Variants in CHAF1A observed in about 807,000 individuals in gnomAD.
CHAF1A encodes CAF-1 subunit A.
In CHAF1A, 5 loss-of-function variants were observed where a neutral mutation model predicts 93.2. The ratio of observed to expected loss-of-function variants is 0.05; its 90% CI spans 0.03 to 0.11. CHAF1A has a LOEUF of 0.11. Ranked by LOEUF, CHAF1A falls within the 10% of genes least tolerant of loss-of-function variation. The pLI, the probability that CHAF1A is intolerant of heterozygous loss-of-function variation, is 1.00. For synonymous variants in CHAF1A, 504 were observed against 510.3 expected (o/e 0.99, Z 0.17); for missense variants, 1,102 against 1,259.9 (o/e 0.87, Z 1.90).
At chr19:4,445,348 T>A, downstream of CHAF1A, 2 of 1,364,698 alleles carry the variant, frequency 1.5e-6, no homozygotes, top group Non-Finnish European at 2.0e-6. Context: ...CGGGGCCCAA[T>A]TCCACAGCTC....
intron 11 of CHAF1A, among the ~76,000 whole-genome samples, chr19:4,431,632 T>A (rs1350550707): frequency 6.6e-6 from 1 of 151,946 alleles, no homozygotes; most frequent in East Asian, 1.9e-4. Context: ...CTGGGCCATG[T>A]GGGTAGACAC....
chr19:4,415,341 C>A (rs1973879120), intron 3 of CHAF1A, among the ~76,000 whole-genome samples: 1 of 152,172 alleles, frequency 6.6e-6, no homozygotes, highest in South Asian at 2.1e-4. Flanking sequence ...GGGCTCTTGC[C>A]AGTCACATCA....
chr19:4,429,498 C>A lies in CHAF1A; in HGVS notation c.1665C>A (p.Gly555=). Residue 555 remains glycine (G), a synonymous_variant, in exon 9 of 15, where the codon GGC becomes GGA. Transcript: ENST00000301280. ...GTGTTCCCGAGAGGAGGAAGTTTGG[C>A]AGGATGAAGCTCCTGCAGTTCTGTG... is the stretch of plus-strand genomic sequence containing the variant. ...GDGVPERRKF[G]RMKLLQFCEN... 6.2e-7 allele frequency: 1 copy of A among 1,613,950 alleles called. No individual in the cohort carries two copies. Among genetic ancestry groups the A allele is most frequent in the African/African-American group, 1.3e-5 (1 of 74,966 alleles).
rs772318717 is a variant in CHAF1A, at chr19:4,433,548, G to T, written c.2673+9G>T. On this transcript the variant is annotated intron_variant, in intron 13 of 14. Coordinates refer to ENST00000301280, the MANE Select transcript of CHAF1A (RefSeq NM_005483.3). This position sits in a 1 kb window ranked among gnomAD's most constrained non-coding sequence, Gnocchi z 5.6. ...GCAGGCACGACGGCCAGGTGAGGTG[G>T]GGTGGGCAGGTGGGGGCCTCTGCAG... 1.7e-5 allele frequency: 27 copies of T among 1,560,392 alleles called. No homozygotes were observed. The highest frequency in any genetic ancestry group is 2.7e-5 in the African/African-American group (2 of 73,500).
At chr19:4,405,354 G>A (rs577949461) in intron 1 of CHAF1A, among the ~76,000 whole-genome samples, 3 of 152,248 alleles carry the variant, frequency 2.0e-5, no homozygotes, top group South Asian at 2.1e-4. Context: ...GCCAAGCGCC[G>A]TGGCCAGCAC....
downstream of CHAF1A, chr19:4,448,282 G>C (rs202166922): frequency 1.3e-6 from 2 of 1,553,422 alleles, no homozygotes; most frequent in East Asian, 2.4e-5. Flanking sequence ...GGATGAGCTG[G>C]AGGGGCCAGG....
rs145918014 is a variant in CHAF1A, at chr19:4,405,714, C to G, written c.53-198C>G. Among the ~76,000 whole-genome samples the G allele has an allele frequency of 3.9e-4, 59 of 152,036 alleles. No individual in the cohort carries two copies. The East Asian group carries it at 5.0e-3, about 13-fold the overall frequency. ...TAGCAGAATCCCTGGCCTCTACCCACTGGATGTGAATAGCATCCCTTTGAG... is the reference window on the plus strand; with the variant it reads ...TAGCAGAATCCCTGGCCTCTACCCAGTGGATGTGAATAGCATCCCTTTGAG... On this transcript the variant is annotated intron_variant, in intron 1 of 14. Coordinates refer to ENST00000301280, the MANE Select transcript of CHAF1A (RefSeq NM_005483.3).
chr19:4,436,277 G>A (rs1010725375), intron 13 of CHAF1A, among the ~76,000 whole-genome samples: 3 of 152,218 alleles, frequency 2.0e-5, no homozygotes, highest in Admixed American at 2.0e-4. Context: ...TCCCTCAGCT[G>A]TCACAGCAGG....
At chr19:4,407,676 G>T (rs1973705092) in intron 2 of CHAF1A, among the ~76,000 whole-genome samples, 1 of 152,174 alleles carries the variant, frequency 6.6e-6, no homozygotes, top group Admixed American at 6.5e-5. Context: ...AGCGGGGCAT[G>T]GTGACTCACA....
chr19:4,417,490 T>C (rs139915580), intron 3 of CHAF1A, among the ~76,000 whole-genome samples: 30 of 126,634 alleles, frequency 2.4e-4, no homozygotes, highest in African/African-American at 8.1e-4. Context: ...AGACAGAGTC[T>C]CACCCTGTTG....
chr19:4,408,001 T>A (rs905253943), intron 2 of CHAF1A, among the ~76,000 whole-genome samples: 5 of 151,440 alleles, frequency 3.3e-5, no homozygotes, highest in African/African-American at 4.9e-5. Context: ...AATGAAAAGA[T>A]AGCACCCCCC....
rs1973603169 is a variant in CHAF1A at position 4,402,679 on chromosome 19, G to GGCGCA, written c.-83_-82insCGCAG. The GGCGCA allele has an allele frequency of 4.1e-6, 3 of 735,810 alleles. No individual in the cohort carries two copies. Among genetic ancestry groups the GGCGCA allele is most frequent in the African/African-American group, 3.7e-5 (2 of 54,342 alleles). 45.6% of individuals were successfully genotyped at this position (735,810 alleles called of 1,614,324 possible). A position where few individuals can be genotyped will look rare whatever the true frequency, so the allele number is the denominator to read the frequency against. On this transcript the variant is annotated 5_prime_UTR_variant, in exon 1 of 15. Transcript: ENST00000301280. Reference sequence around the variant, plus strand: ...GCGGCCGCGGCGGCAGCAGCGGCGCGGGCGGGAGGGCGAAGAGCAGCGGCC... The same window carrying GGCGCA: ...GCGGCCGCGGCGGCAGCAGCGGCGCGGCGCAGGCGGGAGGGCGAAGAGCAGCGGCC...
intron 7 of CHAF1A, among the ~76,000 whole-genome samples, chr19:4,426,358 G>A (rs577021266): frequency 2.2e-4 from 34 of 151,912 alleles, no homozygotes; most frequent in African/African-American, 3.4e-4. Context: ...TAGTAGAGAC[G>A]GGGTTTGCAC....
rs760831054 is a variant in CHAF1A at position 4,409,465 on chromosome 19, G to A, written c.666G>A (p.Gln222=). 9.3e-6 allele frequency: 15 copies of A among 1,614,150 alleles called. No homozygotes were observed. Among genetic ancestry groups the A allele is most frequent in the Non-Finnish European group, 1.2e-5 (14 of 1,180,010 alleles). The change falls in exon 3 of 15, where the codon CAG becomes CAA. Residue 222 remains glutamine (Q), a synonymous_variant. Transcript: ENST00000301280. The part of the protein sequence containing the change: ...SGPRMCPRKE[Q]DSWSEAGGIL... ...CGAGAATGTGCCCCAGAAAGGAGCA[G>A]GACAGTTGGAGTGAAGCTGGGGGCA...
chr19:4,448,090 C>T, downstream of CHAF1A: 1 of 583,562 alleles, frequency 1.7e-6, no homozygotes, highest in Non-Finnish European at 3.1e-6. Context: ...GGGTGGGAAA[C>T]CCCTGATTCC....
rs574293884 is a variant in CHAF1A, at chr19:4,433,437, C to T, written c.2571C>T (p.Pro857=). ...SAPKEDSGSV[P]STGPSQGTPI... is the part of the protein sequence containing the mutation. ...CCAAAGAGGACAGTGGCAGCGTCCC[C>T]TCCACGGGGCCCAGCCAGGGCACTC... The change falls in exon 13 of 15, where the codon CCC becomes CCT. Residue 857 remains proline, a synonymous_variant. Coordinates refer to ENST00000301280, the MANE Select transcript of CHAF1A (RefSeq NM_005483.3). The surrounding 1 kb of genome is among the most constrained non-coding windows in gnomAD (Gnocchi z 5.6). 5.0e-6 allele frequency: 8 copies of T among 1,608,808 alleles called. No individual in the cohort carries two copies. The highest frequency in any genetic ancestry group is 6.8e-6 in the Non-Finnish European group (8 of 1,175,966).
At chr19:4,421,244 T>A (rs1973985979) in intron 4 of CHAF1A, among the ~76,000 whole-genome samples, 1 of 151,958 alleles carries the variant, frequency 6.6e-6, no homozygotes, top group Admixed American at 6.6e-5. Context: ...GCTAATTTTT[T>A]TGTATTTTTG....
At chr19:4,420,207 T>C (rs1973966450) in intron 4 of CHAF1A, among the ~76,000 whole-genome samples, 1 of 151,760 alleles carries the variant, frequency 6.6e-6, no homozygotes, top group South Asian at 2.1e-4. Context: ...CCTCATGCAG[T>C]GTTAGGAGCG....
At chr19:4,411,644 C>CTTTTTTTTTTTTT (rs66491258) in intron 3 of CHAF1A, among the ~76,000 whole-genome samples, 830 of 48,126 alleles carry the variant, frequency 0.017, 226 homozygotes, top group African/African-American at 0.039. Context: ...TGGTGCAAAT[C>CTTTTTTTTTTTTT]TTTTTTTTTT....
Sources: allele counts gnomAD v4.1 joint callset (sites outside exome capture counted in the v4.1 genomes callset), GRCh38; gene constraint gnomAD v4.1.1; non-coding constraint Gnocchi (gnomAD v3.1); transcripts MANE v1.5; gene names NCBI Gene and HGNC (gene_info 2026-07-23, HGNC 2026-07-21).